The following KCNH5 variants were observed in gnomAD, a reference collection of about 807,000 sequenced individuals.
KCNH5 encodes potassium voltage-gated channel subfamily H member 5, also known as voltage-gated delayed rectifier potassium channel KCNH5.
Under a neutral mutation model 96.1 loss-of-function variants are expected in KCNH5, and 46 were observed. That is an observed-to-expected ratio of 0.48 (90% CI 0.38 to 0.61). The LOEUF is 0.61. KCNH5 is among the 20% of genes least tolerant of loss of function. The pLI is 0.00. For synonymous variants in KCNH5, 439 were observed against 449.8 expected (o/e 0.98, Z 0.30); for missense variants, 907 against 1,225.8 (o/e 0.74, Z 3.88).
At chr14:63,022,204 A>G (rs1255869167) in intron 1 of KCNH5, among the ~76,000 whole-genome samples, 1 of 152,188 alleles carries the variant, frequency 6.6e-6, no homozygotes, top group Non-Finnish European at 1.5e-5. Context: ...TCAGCCAGTA[A>G]TCTGGGAGCC....
At chr14:62,859,615 C>A (rs1887994634) in intron 7 of KCNH5, among the ~76,000 whole-genome samples, 1 of 152,238 alleles carries the variant, frequency 6.6e-6, no homozygotes, top group African/African-American at 2.4e-5. Flanking sequence ...GACCATCCAG[C>A]CAAACCACTG....
At chr14:62,740,686 A>G (rs1426722603) in intron 10 of KCNH5, among the ~76,000 whole-genome samples, 1 of 152,170 alleles carries the variant, frequency 6.6e-6, no homozygotes, top group African/African-American at 2.4e-5. Context: ...TGAGCTACAC[A>G]TAAAAGATAT....
At chr14:62,824,968 C>G (rs1887192012) in intron 8 of KCNH5, among the ~76,000 whole-genome samples, 1 of 151,934 alleles carries the variant, frequency 6.6e-6, no homozygotes, top group Non-Finnish European at 1.5e-5. Flanking sequence ...TGTATAGTTT[C>G]CCATGGTGTA....
intron 7 of KCNH5, among the ~76,000 whole-genome samples, chr14:62,913,004 A>G (rs1466820611): frequency 6.6e-6 from 1 of 152,196 alleles, no homozygotes; most frequent in Non-Finnish European, 1.5e-5. Flanking sequence ...ATTATCTAAC[A>G]AATGTATCTA....
chr14:62,784,085 G>T (rs1462458788), intron 9 of KCNH5, among the ~76,000 whole-genome samples: 4 of 152,110 alleles, frequency 2.6e-5, no homozygotes, highest in Non-Finnish European at 5.9e-5. Context: ...AAGAAAAGAG[G>T]TTTAATTGAC....
intron 7 of KCNH5, among the ~76,000 whole-genome samples, chr14:62,918,495 T>A (rs189187146): frequency 1.5e-3 from 232 of 152,256 alleles, no homozygotes; most frequent in Non-Finnish European, 2.9e-3. Flanking sequence ...AAGGCTTATA[T>A]CGCTAATATG....
In KCNH5 at chr14:62,849,712, G is replaced by A; in HGVS notation, c.1510C>T (p.Arg504Ter). The A allele has an allele frequency of 1.2e-6, 2 of 1,613,716 alleles. No homozygotes were observed. The highest frequency in any genetic ancestry group is 1.7e-6 in the Non-Finnish European group (2 of 1,179,780). Residue 504 changes from arginine to a stop codon, truncating the protein, a stop_gained, in exon 8 of 11, where the codon CGA (arginine) becomes TGA (stop). Coordinates refer to ENST00000322893, the MANE Select transcript of KCNH5 (RefSeq NM_139318.5). LOFTEE classifies it high-confidence loss of function. ...LYQVPKGLSE[R>*]VMDYIVSTWS... The stretch of plus-strand genomic sequence containing the variant: ...GTTGAGACAATATAATCCATGACTC[G>A]CTCACTAAGGCCTTTTGGGACCTGA...
At chr14:62,746,311 A>C (rs1317568200) in intron 10 of KCNH5, among the ~76,000 whole-genome samples, 2 of 152,258 alleles carry the variant, frequency 1.3e-5, no homozygotes, top group African/African-American at 2.4e-5. Flanking sequence ...AATATATTCA[A>C]AACATTACAG....
chr14:62,815,538 A>G (rs910337632), intron 8 of KCNH5, among the ~76,000 whole-genome samples: 5 of 152,130 alleles, frequency 3.3e-5, no homozygotes, highest in Non-Finnish European at 5.9e-5. Context: ...GAAGTAATAC[A>G]GGTTAGTTTG....
intron 7 of KCNH5, among the ~76,000 whole-genome samples, chr14:62,904,336 C>T (rs907041334): frequency 2.0e-5 from 3 of 152,186 alleles, no homozygotes; most frequent in African/African-American, 7.2e-5. Context: ...GCCATACTAC[C>T]TCACTTGTAT....
chr14:62,825,854 T>C (rs555777520), intron 8 of KCNH5, among the ~76,000 whole-genome samples: 58 of 152,192 alleles, frequency 3.8e-4, no homozygotes, highest in African/African-American at 1.3e-3. Context: ...CCTGCCTTCC[T>C]GTTTCCCTTT....
chr14:62,813,911 T>A (rs1335758783), intron 8 of KCNH5, among the ~76,000 whole-genome samples: 1 of 152,168 alleles, frequency 6.6e-6, no homozygotes, highest in Non-Finnish European at 1.5e-5. Flanking sequence ...AACCAGGCAG[T>A]CATGCAGTCA....
chr14:62,984,823 T>C (rs369004784), intron 5 of KCNH5, among the ~76,000 whole-genome samples: 44 of 152,030 alleles, frequency 2.9e-4, no homozygotes, highest in African/African-American at 1.0e-3. Context: ...TGAGAAAATG[T>C]CAAGGGGAAA....
chr14:62,727,401 A>C (rs1242219739), intron 10 of KCNH5, among the ~76,000 whole-genome samples: 1 of 152,206 alleles, frequency 6.6e-6, no homozygotes, highest in East Asian at 1.9e-4. Flanking sequence ...TAAAGCTTGC[A>C]TAGGAGTGTG....
chr14:62,777,623 G>A (rs1486889055), intron 10 of KCNH5, among the ~76,000 whole-genome samples: 10 of 152,146 alleles, frequency 6.6e-5, no homozygotes, highest in Non-Finnish European at 1.3e-4. Flanking sequence ...AGAGCAGAGA[G>A]GCTAGAATTA....
At chr14:62,980,155 T>C (rs1318380597) in intron 6 of KCNH5, among the ~76,000 whole-genome samples, 2 of 152,190 alleles carry the variant, frequency 1.3e-5, no homozygotes, top group Non-Finnish European at 2.9e-5. Flanking sequence ...TCCTGAGGCC[T>C]CTCCAGCCAT....
intron 2 of KCNH5, 134 bp from the exon 3 acceptor site, chr14:63,006,606 A>G: frequency 1.7e-6 from 1 of 590,446 alleles, no homozygotes; most frequent in Non-Finnish European, 3.0e-6. Flanking sequence ...AGAATAGTCA[A>G]ATCATGAGAG....
chr14:62,906,968 T>A (rs1373898802), intron 7 of KCNH5, among the ~76,000 whole-genome samples: 1 of 152,236 alleles, frequency 6.6e-6, no homozygotes, highest in Non-Finnish European at 1.5e-5. Context: ...TATAGCACTG[T>A]CTCAATTCTT....
At chr14:62,943,527 T>G (rs993935462) in intron 7 of KCNH5, among the ~76,000 whole-genome samples, 1 of 152,200 alleles carries the variant, frequency 6.6e-6, no homozygotes, top group African/African-American at 2.4e-5. Context: ...ATTAAGTATT[T>G]ACCAAGCAAA....
Sources: allele counts gnomAD v4.1 joint callset (sites outside exome capture counted in the v4.1 genomes callset), GRCh38; gene constraint gnomAD v4.1.1; transcripts MANE v1.5; gene names NCBI Gene and HGNC (gene_info 2026-07-23, HGNC 2026-07-21).